COL4A4: variants seen among roughly 807,000 people sequenced by gnomAD.
COL4A4 encodes collagen alpha-4(IV) chain.
Under a neutral mutation model 192.9 loss-of-function variants are expected in COL4A4, and 105 were observed. The ratio of observed to expected loss-of-function variants is 0.54; its 90% CI spans 0.46 to 0.64. The LOEUF (loss-of-function observed/expected upper bound fraction) is 0.64. Among genes scored for constraint, COL4A4 ranks in the 30% least tolerant of loss-of-function variants. The pLI, the probability that COL4A4 is intolerant of heterozygous loss-of-function variation, is 0.00. For missense variants in COL4A4, 1,967 were observed against 2,169.3 expected, an observed-to-expected ratio of 0.91 and a Z score of 1.85; for synonymous variants, 762 against 769.9, an observed-to-expected ratio of 0.99 and a Z score of 0.17.
the COL4A4 span, among the ~76,000 whole-genome samples, chr2:226,975,401 C>T: frequency 1.9e-4 from 29 of 152,062 alleles, no homozygotes; most frequent in African/African-American, 4.1e-4. Context: ...GAGGGAGGCC[C>T]GAACTCAATG....
chr2:226,973,581 G>T, the COL4A4 span, among the ~76,000 whole-genome samples: 2 of 152,182 alleles, frequency 1.3e-5, no homozygotes, highest in South Asian at 2.1e-4. Context: ...TCTCTTCCCT[G>T]CCTAGTCCCC....
intron 2 of COL4A4, among the ~76,000 whole-genome samples, 173 bp from the exon 3 acceptor site, chr2:227,144,731 C>G (rs1394606771): frequency 6.6e-6 from 1 of 152,194 alleles, no homozygotes; most frequent in South Asian, 2.1e-4. Flanking sequence ...CTCTGGCTGC[C>G]ATCATTGCCT....
chr2:227,101,616 C>T, intron 16 of COL4A4, 59 bp from the exon 17 acceptor site: 1 of 1,503,522 alleles, frequency 6.7e-7, no homozygotes, highest in South Asian at 1.2e-5. Flanking sequence ...CAAATTATCT[C>T]ATTCTCATTT....
At chr2:227,062,778 T>G (rs1977458448) in intron 25 of COL4A4, among the ~76,000 whole-genome samples, 180 bp from the exon 26 acceptor site, 1 of 152,162 alleles carries the variant, frequency 6.6e-6, no homozygotes, top group Non-Finnish European at 1.5e-5. Context: ...ATTTTTAGAT[T>G]TTTCCTGAAA....
In COL4A4 at chr2:227,060,122, AAAAC is replaced by A; in HGVS notation, c.2164+10_2164+13del. 7.0e-7 allele frequency: 1 copy of A among 1,423,922 alleles called. No individual in the cohort carries two copies. Among genetic ancestry groups the A allele is most frequent in the Non-Finnish European group, 9.6e-7 (1 of 1,036,532 alleles). The allele number at this position is 1,423,922 out of a possible 1,614,324, so 88.2% of individuals were successfully genotyped here. On this transcript the variant is annotated intron_variant, in intron 27 of 47. Coordinates refer to ENST00000396625, the MANE Select transcript of COL4A4 (RefSeq NM_000092.5). Reference sequence around the variant, plus strand: ...AGCAGAAAAAAAAAAAAAAAAAAAAAAAACCTCACTGACCAGGTGGACCTGGTAT... The same window carrying A: ...AGCAGAAAAAAAAAAAAAAAAAAAAACTCACTGACCAGGTGGACCTGGTAT...
At chr2:227,054,063 A>G (rs1226187133) in intron 31 of COL4A4, among the ~76,000 whole-genome samples, 1 of 152,190 alleles carries the variant, frequency 6.6e-6, no homozygotes, top group African/African-American at 2.4e-5. Context: ...ATGGTGTGAA[A>G]ATTATATGAA....
chr2:227,085,852 A>G (rs2150566153), intron 22 of COL4A4, among the ~76,000 whole-genome samples: 1 of 152,276 alleles, frequency 6.6e-6, no homozygotes, highest in East Asian at 1.9e-4. Flanking sequence ...GCACACATCC[A>G]AACGTTATCA....
intron 12 of COL4A4, among the ~76,000 whole-genome samples, chr2:227,107,701 C>T (rs1454216137): frequency 6.6e-6 from 1 of 151,920 alleles, no homozygotes. Flanking sequence ...AGCCACTCAC[C>T]TACTGCTGGA....
intron 19 of COL4A4, among the ~76,000 whole-genome samples, chr2:227,096,044 T>C (rs141506714): frequency 0.019 from 2,957 of 152,288 alleles, 51 homozygotes; most frequent in Middle Eastern, 0.034. Context: ...GGGAGCTCTG[T>C]CCTACATCCT....
intron 26 of COL4A4, among the ~76,000 whole-genome samples, chr2:227,062,100 C>T (rs13423825): frequency 0.64 from 97,797 of 151,716 alleles, 32,106 homozygotes; most frequent in African/African-American, 0.76. Flanking sequence ...TAGCCGGGCA[C>T]GGTGGCGGGT....
Position 227,051,108 on chromosome 2 carries a change from A to G in COL4A4, c.3019T>C (p.Tyr1007His), listed in dbSNP as rs780331862. 1.2e-6 allele frequency: 2 copies of G among 1,614,106 alleles called. No individual in the cohort carries two copies. The highest frequency in any genetic ancestry group is 4.5e-5 in the East Asian group (2 of 44,872). ...MQGRRGEPGRYGPPGFHRGEP... is the reference protein window; with the variant it reads ...MQGRRGEPGRHGPPGFHRGEP... ...CCTCTGTGAAATCCAGGTGGTCCGT[A>G]TCTTCCCGGCTCTCCTCTTCTCCCT... Residue 1007 changes from tyrosine to histidine, a missense_variant, in exon 33 of 48, where the codon TAC becomes CAC. Physicochemically the swap from Tyr to His is moderately conservative, Grantham distance 83. Coordinates refer to ENST00000396625, the MANE Select transcript of COL4A4 (RefSeq NM_000092.5).
intron 42 of COL4A4, among the ~76,000 whole-genome samples, chr2:227,026,874 C>A (rs966062074): frequency 6.6e-6 from 1 of 152,138 alleles, no homozygotes; most frequent in Non-Finnish European, 1.5e-5. Context: ...ATTCAGGGAT[C>A]GGAATTGAAT....
intron 35 of COL4A4, among the ~76,000 whole-genome samples, chr2:227,044,021 T>G (rs1219031747): frequency 6.6e-6 from 1 of 152,220 alleles, no homozygotes; most frequent in Non-Finnish European, 1.5e-5. Context: ...AAAGCAGTCC[T>G]TTTCTTATGA....
intron 25 of COL4A4, among the ~76,000 whole-genome samples, chr2:227,073,039 T>A (rs2058812369): frequency 6.6e-6 from 1 of 152,044 alleles, no homozygotes; most frequent in South Asian, 2.1e-4. Context: ...CTGGAAGTAC[T>A]AGCCAGAGCA....
In COL4A4 at chr2:227,052,334, G is replaced by A; in HGVS notation, c.2939C>T (p.Pro980Leu). 3 of 1,611,404 alleles carry A rather than the reference G, an allele frequency of 1.9e-6. No homozygotes were observed. Among genetic ancestry groups the A allele is most frequent in the South Asian group, 1.1e-5 (1 of 91,022 alleles). The change falls in exon 32 of 48, where the codon CCT (proline) becomes CTT (leucine). Residue 980 changes from proline (P) to leucine (L), a missense_variant. Transcript: ENST00000396625. ...QKGTPGEPGP[P>L]GDDGFPGERG... ...TTCTCCTGGGAATCCATCATCTCCAGGAGGTCCAGGTTCCCCAGGTGTTCC... is the reference window on the plus strand; with the variant it reads ...TTCTCCTGGGAATCCATCATCTCCAAGAGGTCCAGGTTCCCCAGGTGTTCC...
chr2:227,082,181 G>A lies in COL4A4; in HGVS notation c.1630C>T (p.His544Tyr), dbSNP rs745815071. The A allele has an allele frequency of 2.2e-5, 35 of 1,613,780 alleles. 2 individuals are homozygous for A. In the South Asian group the frequency reaches 3.7e-4, roughly 17 times the overall value. Residue 544 changes from histidine (H) to tyrosine (Y), a missense_variant, in exon 23 of 48, where the codon CAT becomes TAT. His to Tyr is a moderately conservative substitution (Grantham distance 83, BLOSUM62 2). Coordinates refer to ENST00000396625, the MANE Select transcript of COL4A4 (RefSeq NM_000092.5). The part of the protein sequence containing the change: ...AEGPPGLPGK[H>Y]GASGPPGNKG... ...TTGCCAGGTGGTCCAGAGGCACCAT[G>A]CTTTCCCTTGGTGAAAAATAAGAGA...
At chr2:227,042,351 G>A in intron 36 of COL4A4, 96 bp from the exon 37 acceptor site, 1 of 735,372 alleles carries the variant, frequency 1.4e-6, no homozygotes, top group South Asian at 1.5e-5. Context: ...GGGTAACGGA[G>A]AACACTGTCT....
chr2:227,156,061 A>AG (rs1262097277), intron 1 of COL4A4, among the ~76,000 whole-genome samples: 2 of 109,224 alleles, frequency 1.8e-5, no homozygotes, highest in Admixed American at 2.2e-4. Flanking sequence ...TCTGCCATGG[A>AG]GGAAAAAAAA....
In COL4A4 at chr2:227,074,144, T is replaced by C. The variant is rs57670203; in HGVS notation, c.1987+3750A>G. Reference sequence around the variant, plus strand: ...AGAATGGGAGAAGCTATTTGCAAACTATGCATCCGACAAAGGGCCAGTATG... The same window carrying C: ...AGAATGGGAGAAGCTATTTGCAAACCATGCATCCGACAAAGGGCCAGTATG... On this transcript the variant is annotated intron_variant, in intron 25 of 47. Coordinates refer to ENST00000396625, the MANE Select transcript of COL4A4 (RefSeq NM_000092.5). 2.6e-3 allele frequency among the ~76,000 whole-genome samples: 401 copies of C among 152,012 alleles called. 1 individual carries two copies. Among genetic ancestry groups the C allele is most frequent in the African/African-American group, 9.0e-3 (372 of 41,446 alleles).
Sources: allele counts gnomAD v4.1 joint callset (sites outside exome capture counted in the v4.1 genomes callset), GRCh38; gene constraint gnomAD v4.1.1; transcripts MANE v1.5; gene names NCBI Gene and HGNC (gene_info 2026-07-23, HGNC 2026-07-21).